Variants in PLXNC1 observed in about 807,000 individuals in gnomAD.
PLXNC1 encodes the protein plexin C1, also known as plexin-C1.
A neutral mutation model predicts 178.2 loss-of-function variants in PLXNC1; 75 were observed. The observed-to-expected ratio is 0.42, with a 90% CI of 0.35 to 0.51. The LOEUF is 0.51. Among genes scored for constraint, PLXNC1 ranks in the 20% least tolerant of loss-of-function variants. PLXNC1 has a pLI of 0.02. For missense variants in PLXNC1, 1,503 were observed against 1,984.4 expected, an observed-to-expected ratio of 0.76 and a Z score of 4.61; for synonymous variants, 790 against 779.9, an observed-to-expected ratio of 1.01 and a Z score of -0.22.
intron 12 of PLXNC1, 97 bp downstream of exon 12, chr12:94,244,122 C>A: frequency 1.6e-6 from 1 of 641,190 alleles, no homozygotes; most frequent in Admixed American, 2.7e-5. Flanking sequence ...GTTTCTGTGA[C>A]TTTGGTGTTA....
chr12:94,294,215 T>C (rs965375862), intron 23 of PLXNC1, among the ~76,000 whole-genome samples: 10 of 152,204 alleles, frequency 6.6e-5, no homozygotes, highest in African/African-American at 9.7e-5. Flanking sequence ...CACAGGGTCC[T>C]GGCCTCCACC....
At chr12:94,183,967 C>T (rs1258723718) in intron 3 of PLXNC1, among the ~76,000 whole-genome samples, 1 of 152,156 alleles carries the variant, frequency 6.6e-6, no homozygotes, top group African/African-American at 2.4e-5. Context: ...AACAGCCAAA[C>T]TAATAAGCTA....
intron 24 of PLXNC1, among the ~76,000 whole-genome samples, chr12:94,295,570 A>G (rs1029958638): frequency 6.6e-6 from 1 of 152,118 alleles, no homozygotes; most frequent in East Asian, 1.9e-4. Context: ...ACTGCAACTG[A>G]GAGCCACCGT....
At chr12:94,269,434 C>T (rs995666508) in intron 21 of PLXNC1, among the ~76,000 whole-genome samples, 6 of 152,176 alleles carry the variant, frequency 3.9e-5, no homozygotes, top group African/African-American at 9.7e-5. Flanking sequence ...GGGACAATTA[C>T]GTTTAATAAA....
At chr12:94,296,967 G>C (rs1328312963) in intron 24 of PLXNC1, among the ~76,000 whole-genome samples, 1 of 152,122 alleles carries the variant, frequency 6.6e-6, no homozygotes, top group East Asian at 1.9e-4. Flanking sequence ...GATCACTAGG[G>C]AATCTACTTC....
At chr12:94,302,745 G>GTCAAC (rs1290262862) in intron 28 of PLXNC1, among the ~76,000 whole-genome samples, 1 of 152,108 alleles carries the variant, frequency 6.6e-6, no homozygotes, top group Non-Finnish European at 1.5e-5. Context: ...AACTCTTTCT[G>GTCAAC]TCAACTACTG....
chr12:94,237,914 A>G, intron 10 of PLXNC1, 111 bp downstream of exon 10: 1 of 1,007,476 alleles, frequency 9.9e-7, no homozygotes, highest in Non-Finnish European at 1.4e-6. Context: ...GCCATGCCCC[A>G]AAGCAGGCCA....
chr12:94,246,787 G>A (rs949260434), intron 12 of PLXNC1, among the ~76,000 whole-genome samples: 1 of 151,866 alleles, frequency 6.6e-6, no homozygotes, highest in African/African-American at 2.4e-5. Flanking sequence ...TTGGAAAGAT[G>A]TGAAGGGAAA....
chr12:94,227,521 G>A (rs1592786429), intron 9 of PLXNC1: 1 of 270,558 alleles, frequency 3.7e-6, no homozygotes, highest in East Asian at 8.3e-5. Context: ...GTGAAGAGCT[G>A]GAAGGAAGTT....
intron 1 of PLXNC1, among the ~76,000 whole-genome samples, chr12:94,167,428 C>T (rs528700180): frequency 2.6e-5 from 4 of 152,286 alleles, no homozygotes; most frequent in South Asian, 2.1e-4. Flanking sequence ...CAGGCAGAGA[C>T]GATGCCCTAT....
chr12:94,164,642 G>A (rs1379180113), intron 1 of PLXNC1, among the ~76,000 whole-genome samples: 1 of 148,244 alleles, frequency 6.7e-6, no homozygotes, highest in Admixed American at 6.8e-5. Flanking sequence ...TTTTCCTCAT[G>A]ATATGCCCAT....
chr12:94,250,376 A>C (rs1405898438), intron 14 of PLXNC1, among the ~76,000 whole-genome samples: 3 of 152,130 alleles, frequency 2.0e-5, no homozygotes, highest in Admixed American at 6.5e-5. Context: ...CCAACATCCC[A>C]TTTCAGAGAT....
At chr12:94,186,177 G>GACGCACTA in intron 3 of PLXNC1, 196 bp from the exon 4 acceptor site, 1 of 541,452 alleles carries the variant, frequency 1.8e-6, no homozygotes, top group East Asian at 3.1e-5. Context: ...AATACGCACT[G>GACGCACTA]TCAAAAGCTC....
chr12:94,212,412 G>C (rs1963503696), intron 5 of PLXNC1, among the ~76,000 whole-genome samples: 1 of 151,898 alleles, frequency 6.6e-6, no homozygotes, highest in South Asian at 2.1e-4. Flanking sequence ...TGCCATGTTG[G>C]TTTGCTGCAC....
At chr12:94,290,371 C>T (rs1453875773) in intron 23 of PLXNC1, among the ~76,000 whole-genome samples, 1 of 152,160 alleles carries the variant, frequency 6.6e-6, no homozygotes, top group Non-Finnish European at 1.5e-5. Flanking sequence ...GAAAAATCAG[C>T]CAGCAAACAA....
At chr12:94,278,396 T>C (rs1339328252) in intron 21 of PLXNC1, among the ~76,000 whole-genome samples, 4 of 152,270 alleles carry the variant, frequency 2.6e-5, no homozygotes, top group African/African-American at 7.2e-5. Flanking sequence ...TATTTGTTCT[T>C]AGACAAAGTA....
chr12:94,165,510 G>A (rs1209550517), intron 1 of PLXNC1, among the ~76,000 whole-genome samples: 1 of 152,162 alleles, frequency 6.6e-6, no homozygotes, highest in Admixed American at 6.5e-5. Context: ...TGTGGCCAGG[G>A]TCCTCCAGGC....
At chr12:94,234,969 G>A (rs956577329) in intron 9 of PLXNC1, among the ~76,000 whole-genome samples, 7 of 152,172 alleles carry the variant, frequency 4.6e-5, no homozygotes, top group Non-Finnish European at 8.8e-5. Flanking sequence ...GGCAGCCATG[G>A]AGCTGACTCT....
chr12:94,171,029 A>G (rs1176910472), intron 2 of PLXNC1, among the ~76,000 whole-genome samples: 3 of 152,220 alleles, frequency 2.0e-5, no homozygotes, highest in Non-Finnish European at 4.4e-5. Flanking sequence ...GTGTTTTGAC[A>G]AGAACACTGT....
Sources: allele counts gnomAD v4.1 joint callset (sites outside exome capture counted in the v4.1 genomes callset), GRCh38; gene constraint gnomAD v4.1.1; transcripts MANE v1.5; gene names NCBI Gene and HGNC (gene_info 2026-07-23, HGNC 2026-07-21).